ATP1B4: variants seen among roughly 807,000 people sequenced by gnomAD.
ATP1B4 encodes the protein protein ATP1B4.
Under a neutral mutation model 29.6 loss-of-function variants are expected in ATP1B4, and 32 were observed. The ratio of observed to expected loss-of-function variants is 1.08; its 90% CI spans 0.82 to 1.45. The LOEUF is 1.45. Among genes scored for constraint, ATP1B4 ranks in the 40% most tolerant of loss-of-function variants. The probability of loss-of-function intolerance (pLI) is 0.00; values close to 1 mark genes in which losing one functional copy is unlikely to be tolerated. For synonymous variants in ATP1B4, 127 were observed against 102.1 expected (o/e 1.24, Z -1.47); for missense variants, 323 against 276.2 (o/e 1.17, Z -1.20).
Position 120,370,733 on chromosome X carries a change from A to G in ATP1B4, c.347A>G (p.Tyr116Cys). The change falls in exon 3 of 8, where the codon TAC (tyrosine) becomes TGC (cysteine). Residue 116 changes from tyrosine to cysteine, a missense_variant. Coordinates refer to ENST00000218008, the MANE Select transcript of ATP1B4 (RefSeq NM_001142447.3). The part of the protein sequence containing the change: ...GQSWSLILLI[Y>C]FFFYASLAAV... ...TCTGCAGGCCTGATCTTACTCATTTACTTCTTCTTCTATGCCTCCTTGGCT... is the reference window on the plus strand; with the variant it reads ...TCTGCAGGCCTGATCTTACTCATTTGCTTCTTCTTCTATGCCTCCTTGGCT... 2 of 1,210,969 alleles carry G rather than the reference A, an allele frequency of 1.7e-6. No individual in the cohort carries two copies. The highest frequency in any genetic ancestry group is 1.1e-6 in the Non-Finnish European group (1 of 895,233).
chrX:120,376,846 A>G (rs1227294868), intron 6 of ATP1B4, among the ~76,000 whole-genome samples: 1 of 112,692 alleles, frequency 8.9e-6, no homozygotes, highest in Non-Finnish European at 1.9e-5. Context: ...CCCAGATTTT[A>G]AAACTGAATT....
intron 4 of ATP1B4, among the ~76,000 whole-genome samples, chrX:120,374,137 G>C (rs2058328254): frequency 9.0e-6 from 1 of 110,924 alleles, no homozygotes. Context: ...GCGGGAGACT[G>C]GATTTTTATT....
intron 3 of ATP1B4, 61 bp downstream of exon 3, chrX:120,370,904 G>A (rs1267799690): frequency 6.0e-6 from 7 of 1,159,541 alleles, no homozygotes; most frequent in Non-Finnish European, 8.1e-6. Flanking sequence ...TGCTTGCACA[G>A]CATGTTCAGC....
rs771209181 is a variant in ATP1B4, at chrX:120,375,499, C to T, written c.690C>T (p.Cys230=). 129 of 1,209,132 alleles carry T rather than the reference C, an allele frequency of 1.1e-4. 2 individuals are homozygous for T. The East Asian group carries it at 3.6e-3, about 34-fold the overall frequency. The change falls in exon 5 of 8, where the codon TGC becomes TGT. Residue 230 remains cysteine (C), a synonymous_variant. Transcript: ENST00000218008. ...CQFKRSFLKN[C]SGLEDPTFGY... ...TTAAGCGCTCCTTCCTAAAGAACTGCTCTGGTCTGGAGGACCCAACTTTTG... is the reference window on the plus strand; with the variant it reads ...TTAAGCGCTCCTTCCTAAAGAACTGTTCTGGTCTGGAGGACCCAACTTTTG...
Position 120,375,529 on chromosome X carries a change from C to G in ATP1B4, c.720C>G (p.Tyr240Ter), listed in dbSNP as rs944120246. ...GTCTGGAGGACCCAACTTTTGGATA[C>G]TCTACTGGACAGCCCTGCATCCTTC... is the stretch of plus-strand genomic sequence containing the variant. ...CSGLEDPTFG[Y>*]STGQPCILLK... Residue 240 changes from tyrosine (Y) to a stop codon, truncating the protein, a stop_gained, in exon 5 of 8, where the codon TAC (tyrosine) becomes TAG (stop). Transcript: ENST00000218008. LOFTEE classifies it high-confidence loss of function. The G allele has an allele frequency of 8.3e-7, 1 of 1,210,396 alleles. No homozygotes were observed. Among genetic ancestry groups the G allele is most frequent in the Non-Finnish European group, 1.1e-6 (1 of 895,055 alleles).
intron 2 of ATP1B4, among the ~76,000 whole-genome samples, chrX:120,367,794 G>A (rs973296495): frequency 2.7e-5 from 3 of 111,752 alleles, no homozygotes; most frequent in African/African-American, 9.8e-5. Context: ...GCTCAGTCAA[G>A]GTGACACACT....
At chrX:120,368,802 C>T (rs778684766) in intron 2 of ATP1B4, among the ~76,000 whole-genome samples, 15 of 111,587 alleles carry the variant, frequency 1.3e-4, no homozygotes, top group Non-Finnish European at 2.6e-4. Flanking sequence ...TATTCAAGCC[C>T]GGGTGGGGCA....
In ATP1B4 at chrX:120,382,628, T is replaced by C. The variant is rs908672644; in HGVS notation, c.*2994T>C. The C allele has an allele frequency of 2.7e-5, 3 of 112,305 alleles. No homozygotes were observed. In the South Asian group the frequency reaches 1.1e-3, roughly 41 times the overall value. The allele number at this position is 112,305 out of a possible 1,213,427, so 9.3% of individuals were successfully genotyped here. ...AATCAATGAATGATATCCCAAACAT[T>C]TTGAAACGTATGTAAATTTTGAGTT... On this transcript the variant is annotated 3_prime_UTR_variant, in exon 8 of 8. Transcript: ENST00000218008.
At chrX:120,378,643 C>T (rs2058367731) in intron 6 of ATP1B4, 35 bp from the exon 7 acceptor site, 1 of 1,132,221 alleles carries the variant, frequency 8.8e-7, no homozygotes, top group Non-Finnish European at 1.2e-6. Flanking sequence ...CACTCTGTGA[C>T]CCAGCACCCC....
intron 6 of ATP1B4, 61 bp downstream of exon 6, chrX:120,376,497 A>G (rs1438747742): frequency 9.6e-7 from 1 of 1,041,298 alleles, no homozygotes; most frequent in African/African-American, 1.8e-5. Flanking sequence ...AAGGTAGTCC[A>G]TCACTTTCAA....
In ATP1B4 at chrX:120,364,098, A is replaced by G. The variant is rs970094655; in HGVS notation, c.63+1867A>G. Among the ~76,000 whole-genome samples, 12 of 110,965 alleles carry G rather than the reference A, an allele frequency of 1.1e-4. No individual in the cohort carries two copies. The South Asian group carries it at 3.9e-3, about 36-fold the overall frequency. On this transcript the variant is annotated intron_variant, in intron 1 of 7. Transcript: ENST00000218008. Reference sequence around the variant, plus strand: ...GAAGATTAATTCTTCTCAGGAGGGTAAAGCTTTAATGACAAGCCATCTGTA... The same window carrying G: ...GAAGATTAATTCTTCTCAGGAGGGTGAAGCTTTAATGACAAGCCATCTGTA...
rs914335169 is a variant in ATP1B4, at chrX:120,370,649, A to C, written c.329-66A>C. ...GTGGTTGGGTTTGTTCTGGTTCATG[A>C]GTCCAAGCAGGGAGGAAGAGCTTGT... On this transcript the variant is annotated intron_variant, in intron 2 of 7. Coordinates refer to ENST00000218008, the MANE Select transcript of ATP1B4 (RefSeq NM_001142447.3). The C allele has an allele frequency of 2.1e-5, 25 of 1,174,787 alleles. No homozygotes were observed. The African/African-American group carries it at 3.7e-4, about 18-fold the overall frequency.
intron 7 of ATP1B4, 107 bp from the exon 8 acceptor site, chrX:120,379,366 G>A: frequency 1.3e-6 from 1 of 763,413 alleles, no homozygotes; most frequent in Non-Finnish European, 1.9e-6. Context: ...GGCATCATGG[G>A]ATTTACTCAG....
chrX:120,369,863 C>T (rs190591556), intron 2 of ATP1B4, among the ~76,000 whole-genome samples: 23 of 112,033 alleles, frequency 2.1e-4, no homozygotes, highest in African/African-American at 6.5e-4. Context: ...ATTGTACAGA[C>T]GAGGAAATTG....
chrX:120,382,932 T>C lies in ATP1B4; in HGVS notation c.*3298T>C, dbSNP rs1281341765. On this transcript the variant is annotated 3_prime_UTR_variant, in exon 8 of 8. Coordinates refer to ENST00000218008, the MANE Select transcript of ATP1B4 (RefSeq NM_001142447.3). ...TTAAAGTTATGTTCTAACTGTTCAA[T>C]AGACTTCTAGTAGATTAATTTAAAT... The C allele has an allele frequency of 5.3e-5, 6 of 112,263 alleles. No individual in the cohort carries two copies. Among genetic ancestry groups the C allele is most frequent in the Non-Finnish European group, 9.4e-5 (5 of 53,237 alleles). 9.3% of individuals were successfully genotyped at this position (112,263 alleles called of 1,213,427 possible).
At chrX:120,373,961 C>G (rs1284521214) in intron 4 of ATP1B4, among the ~76,000 whole-genome samples, 1 of 109,264 alleles carries the variant, frequency 9.2e-6, no homozygotes, top group East Asian at 2.9e-4. Flanking sequence ...CCTTCTGTCT[C>G]ACAACTCATA....
chrX:120,375,366 C>T lies in ATP1B4; in HGVS notation c.563-6C>T. ...CATAACCTGTTGCCACTCACACATGCTTTAGGTTATAATGACAGTCTTCAA... is the reference window on the plus strand; with the variant it reads ...CATAACCTGTTGCCACTCACACATGTTTTAGGTTATAATGACAGTCTTCAA... On this transcript the variant is annotated splice_region_variant and splice_polypyrimidine_tract_variant and intron_variant, in intron 4 of 7. Transcript: ENST00000218008. 4 of 1,205,584 alleles carry T rather than the reference C, an allele frequency of 3.3e-6. No individual in the cohort carries two copies. Among genetic ancestry groups the T allele is most frequent in the Non-Finnish European group, 4.5e-6 (4 of 891,763 alleles).
At chrX:120,366,906 T>C in intron 2 of ATP1B4, 117 bp downstream of exon 2, 2 of 1,077,492 alleles carry the variant, frequency 1.9e-6, no homozygotes, top group Non-Finnish European at 2.4e-6. Context: ...TTGCACTTCA[T>C]GTAAAGGCAT....
chrX:120,373,615 A>G lies in ATP1B4; in HGVS notation c.563-1757A>G, dbSNP rs1260105174. Among the ~76,000 whole-genome samples, 6 of 112,448 alleles carry G rather than the reference A, an allele frequency of 5.3e-5. 1 individual carries two copies. In the East Asian group the frequency reaches 8.4e-4, roughly 16 times the overall value. Reference sequence around the variant, plus strand: ...AATAATGCAGTAATTTCTAAAGCCCAGTTTTATGTATGAAATTTGGTAGCC... The same window carrying G: ...AATAATGCAGTAATTTCTAAAGCCCGGTTTTATGTATGAAATTTGGTAGCC... On this transcript the variant is annotated intron_variant, in intron 4 of 7. Coordinates refer to ENST00000218008, the MANE Select transcript of ATP1B4 (RefSeq NM_001142447.3).
Sources: gnomAD v4.1 joint callset for allele counts (sites outside exome capture counted in the v4.1 genomes callset) on GRCh38, gnomAD v4.1.1 for gene constraint, MANE v1.5 for transcripts, NCBI Gene and HGNC (gene_info 2026-07-23, HGNC 2026-07-21) for gene names.